Variants in CNOT10 observed in about 807,000 individuals in gnomAD.
CNOT10 encodes CCR4-NOT transcription complex subunit 10.
In CNOT10, 30 loss-of-function variants were observed where a neutral mutation model predicts 94.6. The observed-to-expected ratio is 0.32, with a 90% CI of 0.24 to 0.43. The LOEUF is 0.43. Ranked by LOEUF, CNOT10 falls within the 20% of genes least tolerant of loss-of-function variation. CNOT10 has a pLI of 1.00. For synonymous variants in CNOT10, 289 were observed against 301.6 expected (o/e 0.96, Z 0.43); for missense variants, 759 against 877.2 (o/e 0.87, Z 1.70).
intron 1 of CNOT10, among the ~76,000 whole-genome samples, chr3:32,687,454 T>TTTTTTTTTTTTTTTGAGACGGAGTCTTTG: frequency 2.2e-5 from 1 of 45,950 alleles, no homozygotes. Flanking sequence ...TTTTTTTTGT[T>TTTTTTTTTTTTTTTGAGACGGAGTCTTTG]TTTTTTTTTT....
intron 1 of CNOT10, among the ~76,000 whole-genome samples, chr3:32,696,042 G>C (rs1046003144): frequency 1.3e-5 from 2 of 150,590 alleles, no homozygotes; most frequent in African/African-American, 4.9e-5. Context: ...TTGGCCGGGC[G>C]TGGTGACTCA....
At chr3:32,686,224 C>G (rs936394296) in intron 1 of CNOT10, among the ~76,000 whole-genome samples, 2 of 152,180 alleles carry the variant, frequency 1.3e-5, no homozygotes, top group African/African-American at 2.4e-5. Context: ...AAATTATTTC[C>G]TGACCTTGTC....
intron 14 of CNOT10, among the ~76,000 whole-genome samples, chr3:32,762,294 G>T (rs1700486323): frequency 6.6e-6 from 1 of 151,162 alleles, no homozygotes; most frequent in South Asian, 2.1e-4. Context: ...TTTTGAGATG[G>T]CGTCTCACTC....
chr3:32,721,681 C>T (rs1215400564), intron 8 of CNOT10, among the ~76,000 whole-genome samples: 7 of 147,460 alleles, frequency 4.7e-5, no homozygotes, highest in Non-Finnish European at 7.4e-5. Flanking sequence ...GTGTCTCCCT[C>T]CGTCGCCCAG....
At chr3:32,709,411 C>T (rs867593952) in intron 4 of CNOT10, among the ~76,000 whole-genome samples, 1 of 152,170 alleles carries the variant, frequency 6.6e-6, no homozygotes, top group Non-Finnish European at 1.5e-5. Flanking sequence ...TTGTGAGTTA[C>T]ATTTTTGTCT....
rs183940779 is a variant in CNOT10 at position 32,703,856 on chromosome 3, G to A, written c.23-12G>A. ...TTATTTCTAAAGAACTGTAAAATTT[G>A]TGTGTTTGCAGATCAGGGAGCAGAG... On this transcript the variant is annotated splice_polypyrimidine_tract_variant and intron_variant, in intron 1 of 18. Transcript: ENST00000328834. The A allele has an allele frequency of 4.3e-5, 68 of 1,596,708 alleles. No homozygotes were observed. In the African/African-American group the frequency reaches 6.8e-4, roughly 16 times the overall value.
chr3:32,726,557 A>T (rs1299512892), intron 9 of CNOT10, among the ~76,000 whole-genome samples: 1 of 151,720 alleles, frequency 6.6e-6, no homozygotes, highest in Admixed American at 6.6e-5. Context: ...TTAGCCGAGC[A>T]TGGTGGCAGG....
At chr3:32,760,986 G>A (rs548393717) in intron 14 of CNOT10, among the ~76,000 whole-genome samples, 1 of 151,496 alleles carries the variant, frequency 6.6e-6, no homozygotes, top group Non-Finnish European at 1.5e-5. Context: ...AAAATTAGCC[G>A]GGCATGGGGG....
intron 13 of CNOT10, among the ~76,000 whole-genome samples, chr3:32,754,999 C>T (rs1170334671): frequency 6.6e-6 from 1 of 151,572 alleles, no homozygotes; most frequent in Non-Finnish European, 1.5e-5. Context: ...GTAATCCCAG[C>T]ACTTTGGGAG....
intron 14 of CNOT10, among the ~76,000 whole-genome samples, chr3:32,760,537 C>G (rs752683476): frequency 3.5e-4 from 53 of 152,062 alleles, no homozygotes; most frequent in Non-Finnish European, 6.9e-4. Flanking sequence ...GAAGTTGAAA[C>G]AGGAGAATCA....
At chr3:32,724,322 T>C (rs1249211903) in intron 8 of CNOT10, among the ~76,000 whole-genome samples, 1 of 148,310 alleles carries the variant, frequency 6.7e-6, no homozygotes, top group African/African-American at 2.5e-5. Context: ...CTCGGCTCAC[T>C]GCAACCTCTG....
Position 32,753,811 on chromosome 3 carries a change from T to C in CNOT10, c.1596-5647T>C, listed in dbSNP as rs896404284. Reference sequence around the variant, plus strand: ...CATGAACAGATCCTTTATGGGAGTCTGATGGTACAGTTTTGAGTACCAGCT... The same window carrying C: ...CATGAACAGATCCTTTATGGGAGTCCGATGGTACAGTTTTGAGTACCAGCT... On this transcript the variant is annotated intron_variant, in intron 13 of 18. Coordinates refer to ENST00000328834, the MANE Select transcript of CNOT10 (RefSeq NM_015442.3). 5 of 1,586,852 alleles carry C rather than the reference T, an allele frequency of 3.2e-6. No individual in the cohort carries two copies. In the African/African-American group the frequency reaches 6.7e-5, roughly 21 times the overall value.
Position 32,719,821 on chromosome 3 carries a change from G to C in CNOT10, c.745-293G>C, listed in dbSNP as rs568770244. On this transcript the variant is annotated intron_variant, in intron 7 of 18. Transcript: ENST00000328834. ...TTGTCAAATTGGTTTTCAGTTAGTA[G>C]TGTAGTAGATGAACACAATCAGTTG... Among the ~76,000 whole-genome samples the C allele has an allele frequency of 1.3e-3, 194 of 152,282 alleles. 2 individuals carry two copies. Among genetic ancestry groups the C allele is most frequent in the Admixed American group, 3.3e-3 (50 of 15,292 alleles).
At chr3:32,747,579 C>T (rs1481433381) in intron 13 of CNOT10, among the ~76,000 whole-genome samples, 2 of 150,880 alleles carry the variant, frequency 1.3e-5, no homozygotes, top group Admixed American at 6.6e-5. Flanking sequence ...AAAATCTGTA[C>T]CACAAACTTT....
chr3:32,731,069 A>T (rs1339968318), intron 10 of CNOT10: 1 of 152,250 alleles, frequency 6.6e-6, no homozygotes, highest in Non-Finnish European at 1.5e-5. Context: ...AAGAGAAGAG[A>T]ATATGGATGA....
At chr3:32,695,551 T>C in intron 1 of CNOT10, 3 of 1,522,260 alleles carry the variant, frequency 2.0e-6, no homozygotes, top group Non-Finnish European at 1.8e-6. Context: ...AGTTAACTGA[T>C]GATTTTCAGT....
chr3:32,725,017 A>G (rs920532030), intron 8 of CNOT10, among the ~76,000 whole-genome samples: 1 of 151,754 alleles, frequency 6.6e-6, no homozygotes, highest in African/African-American at 2.4e-5. Context: ...TGTCTTTTGC[A>G]TTTTTGTATC....
At chr3:32,687,822 C>G (rs1352047767) in intron 1 of CNOT10, 1 of 152,162 alleles carries the variant, frequency 6.6e-6, no homozygotes, top group Non-Finnish European at 1.5e-5. Context: ...TATCAACCCA[C>G]CCAGCTCTTC....
chr3:32,690,704 G>A (rs1696810834), intron 1 of CNOT10, among the ~76,000 whole-genome samples: 1 of 151,818 alleles, frequency 6.6e-6, no homozygotes, highest in Non-Finnish European at 1.5e-5. Context: ...ATGCCACCAT[G>A]CCCGGCTAGT....
Sources: allele counts gnomAD v4.1 joint callset (sites outside exome capture counted in the v4.1 genomes callset), GRCh38; gene constraint gnomAD v4.1.1; transcripts MANE v1.5; gene names NCBI Gene and HGNC (gene_info 2026-07-23, HGNC 2026-07-21).